The following CBR4 variants were observed in gnomAD, a reference collection of about 807,000 sequenced individuals.
CBR4 encodes 3-oxoacyl-[acyl-carrier-protein] reductase.
Under a neutral mutation model 21.0 loss-of-function variants are expected in CBR4, and 22 were observed. The observed-to-expected ratio is 1.05, with a 90% CI of 0.75 to 1.50. CBR4 has a LOEUF of 1.50. Among genes scored for constraint, CBR4 ranks in the 40% most tolerant of loss-of-function variants. The pLI, the probability that CBR4 is intolerant of heterozygous loss-of-function variation, is 0.00. For synonymous variants in CBR4, 100 were observed against 104.4 expected, an observed-to-expected ratio of 0.96 and a Z score of 0.26; for missense variants, 302 against 286.3, an observed-to-expected ratio of 1.05 and a Z score of -0.40.
At chr4:168,902,839 A>G (rs1352163210) in intron 2 of CBR4, among the ~76,000 whole-genome samples, 2 of 152,168 alleles carry the variant, frequency 1.3e-5, no homozygotes, top group African/African-American at 2.4e-5. Context: ...TGGCATGATC[A>G]TGGCTCACTA....
At chr4:168,999,559 T>C (rs1730229522) in intron 4 of CBR4, among the ~76,000 whole-genome samples, 2 of 147,018 alleles carry the variant, frequency 1.4e-5, no homozygotes, top group East Asian at 4.0e-4. Flanking sequence ...AAATCCATAA[T>C]ATATAAATAT....
intron 2 of CBR4, among the ~76,000 whole-genome samples, chr4:168,961,390 A>G (rs1298237253): frequency 6.6e-6 from 1 of 152,202 alleles, no homozygotes; most frequent in Non-Finnish European, 1.5e-5. Flanking sequence ...TTATGAACAA[A>G]AAAGAATTTC....
At chr4:168,936,350 A>T (rs987946417) in intron 2 of CBR4, among the ~76,000 whole-genome samples, 11 of 152,220 alleles carry the variant, frequency 7.2e-5, no homozygotes, top group Non-Finnish European at 1.6e-4. Context: ...AGGGCTGAAA[A>T]TTGCAAAAAT....
At chr4:168,973,448 C>T (rs1264531140) in intron 2 of CBR4, among the ~76,000 whole-genome samples, 2 of 152,222 alleles carry the variant, frequency 1.3e-5, no homozygotes, top group African/African-American at 4.8e-5. Context: ...CTGCCTCAGC[C>T]TCCCAAGTAG....
At chr4:169,008,510 A>C (rs1731112700) in intron 1 of CBR4, among the ~76,000 whole-genome samples, 1 of 152,220 alleles carries the variant, frequency 6.6e-6, no homozygotes, top group Non-Finnish European at 1.5e-5. Flanking sequence ...ACCTTGATAA[A>C]TATGCTTACA....
At chr4:168,949,217 T>C (rs902278170) in intron 2 of CBR4, among the ~76,000 whole-genome samples, 2 of 152,236 alleles carry the variant, frequency 1.3e-5, no homozygotes, top group Non-Finnish European at 2.9e-5. Flanking sequence ...GTTAATCTTG[T>C]ATCCAGAAAC....
chr4:168,966,740 C>T (rs375403300), intron 2 of CBR4, among the ~76,000 whole-genome samples: 158 of 152,140 alleles, frequency 1.0e-3, no homozygotes, highest in African/African-American at 3.4e-3. Context: ...ACTACAGGGC[C>T]GGGCACAGTG....
chr4:168,946,076 T>C (rs1466988186), intron 2 of CBR4, among the ~76,000 whole-genome samples: 1 of 152,192 alleles, frequency 6.6e-6, no homozygotes, highest in East Asian at 1.9e-4. Flanking sequence ...TCCTCTCCTA[T>C]ACCTTGCATA....
chr4:168,929,137 AAGTG>A (rs1308566706), intron 2 of CBR4, among the ~76,000 whole-genome samples: 4 of 152,166 alleles, frequency 2.6e-5, no homozygotes, highest in Admixed American at 1.3e-4. Flanking sequence ...TATAAATTAA[AAGTG>A]AGGGGAAAAG....
chr4:169,007,614 C>T (rs1028660249), intron 2 of CBR4, 22 bp downstream of exon 2: 2 of 1,457,906 alleles, frequency 1.4e-6, no homozygotes, highest in African/African-American at 1.5e-5. Flanking sequence ...ATATAAGAAA[C>T]TTATTTAAAT....
intron 2 of CBR4, among the ~76,000 whole-genome samples, chr4:168,919,418 A>G (rs759370288): frequency 6.6e-6 from 1 of 151,898 alleles, no homozygotes; most frequent in African/African-American, 2.4e-5. Context: ...CCAGCTACTC[A>G]GGAGGCTGAG....
In CBR4 at chr4:168,990,177, C is replaced by T; in HGVS notation, c.687G>A (p.Val229=). ...SPYITGHVLV[V]DGGLQLIL ...ACAAAATGAGTTGTAATCCCCCATCCACTACCAGAACATGCCCTGTAATAT... is the reference window on the plus strand; with the variant it reads ...ACAAAATGAGTTGTAATCCCCCATCTACTACCAGAACATGCCCTGTAATAT... Residue 229 remains valine, a synonymous_variant, in exon 5 of 5, where the codon GTG becomes GTA. Transcript: ENST00000306193. 6.2e-7 allele frequency: 1 copy of T among 1,607,486 alleles called. No homozygotes were observed. The highest frequency in any genetic ancestry group is 8.5e-7 in the Non-Finnish European group (1 of 1,177,180).
downstream of CBR4, among the ~76,000 whole-genome samples, chr4:168,985,402 TG>T (rs750974535): frequency 2.4e-4 from 37 of 152,124 alleles, no homozygotes; most frequent in Non-Finnish European, 3.8e-4. Flanking sequence ...CAGATGCTGG[TG>T]GTTGTGGAGA....
chr4:169,007,707 T>TCAAAA lies in CBR4; in HGVS notation c.191_192insTTTTG (p.Gln64HisfsTer13). On this transcript the variant is annotated frameshift_variant, in exon 2 of 5. Coordinates refer to ENST00000306193, the MANE Select transcript of CBR4 (RefSeq NM_032783.5). LOFTEE classifies it high-confidence loss of function. ...GTTTCTCCAGCTCTTCAAATGTATT[T>TCAAAA]TGAACATCATGTTCTTTAGCAACAT... 1 of 1,595,514 alleles carries TCAAAA rather than the reference T, an allele frequency of 6.3e-7. No homozygotes were observed. Among genetic ancestry groups the TCAAAA allele is most frequent in the South Asian group, 1.1e-5 (1 of 87,866 alleles).
At chr4:169,007,581 A>G in intron 2 of CBR4, 55 bp downstream of exon 2, 1 of 1,109,822 alleles carries the variant, frequency 9.0e-7, no homozygotes, top group Non-Finnish European at 1.2e-6. Flanking sequence ...AAGACATATT[A>G]GGAATAAAAG....
chr4:168,916,994 T>C (rs920006894), intron 2 of CBR4, among the ~76,000 whole-genome samples: 5 of 150,242 alleles, frequency 3.3e-5, no homozygotes, highest in Non-Finnish European at 3.0e-5. Flanking sequence ...TAAGATAAGT[T>C]AGAGGGACAT....
chr4:168,911,022 A>C (rs777041925), intron 2 of CBR4, among the ~76,000 whole-genome samples: 32 of 152,206 alleles, frequency 2.1e-4, no homozygotes, highest in Non-Finnish European at 4.4e-4. Flanking sequence ...ACACAGTACC[A>C]GCTATGAGGA....
intron 2 of CBR4, among the ~76,000 whole-genome samples, chr4:168,974,196 G>A (rs530188843): frequency 2.0e-5 from 3 of 152,268 alleles, no homozygotes; most frequent in African/African-American, 7.2e-5. Context: ...AGTTTCACTA[G>A]ATACAAAATT....
At chr4:168,923,922 CAT>C (rs1051730311) in intron 2 of CBR4, among the ~76,000 whole-genome samples, 8 of 75,846 alleles carry the variant, frequency 1.1e-4, no homozygotes, top group Non-Finnish European at 1.7e-4. Flanking sequence ...TGATCGGTAA[CAT>C]AATCACTAGT....
Sources: gnomAD v4.1 joint callset for allele counts (sites outside exome capture counted in the v4.1 genomes callset) on GRCh38, gnomAD v4.1.1 for gene constraint, MANE v1.5 for transcripts, NCBI Gene and HGNC (gene_info 2026-07-23, HGNC 2026-07-21) for gene names.